The following RERE variants were observed in gnomAD, a reference collection of about 807,000 sequenced individuals.
The protein encoded by RERE is arginine-glutamic acid dipeptide repeats protein.
Under a neutral mutation model 146.1 loss-of-function variants are expected in RERE, and 40 were observed. The ratio of observed to expected loss-of-function variants is 0.27; its 90% CI spans 0.21 to 0.36. The LOEUF is 0.36. RERE is among the 10% of genes least tolerant of loss of function. The pLI, the probability that RERE is intolerant of heterozygous loss-of-function variation, is 1.00. For missense variants in RERE, 1,933 were observed against 2,138.7 expected, an observed-to-expected ratio of 0.90 and a Z score of 1.90; for synonymous variants, 1,003 against 866.0, an observed-to-expected ratio of 1.16 and a Z score of -2.78.
At chr1:8,550,540 G>A (rs777981019) in intron 6 of RERE, among the ~76,000 whole-genome samples, 2 of 151,970 alleles carry the variant, frequency 1.3e-5, no homozygotes, top group Non-Finnish European at 2.9e-5. Context: ...TGTTGTTGTT[G>A]TTGTTGTTGT....
In RERE at chr1:8,565,907, G is replaced by C. The variant is rs567135023; in HGVS notation, c.523-8384C>G. On this transcript the variant is annotated intron_variant, in intron 4 of 22. Transcript: ENST00000400908. The stretch of plus-strand genomic sequence containing the variant: ...CTCTGACATGGGGACCAGTGGGTAA[G>C]GGGAAAAACTGAAATACTGACTCCA... 4.3e-4 allele frequency among the ~76,000 whole-genome samples: 66 copies of C among 152,268 alleles called. 1 individual carries two copies. The highest frequency in any genetic ancestry group is 2.5e-3 in the Admixed American group (39 of 15,302).
At chr1:8,452,282 T>G (rs946561175) in intron 11 of RERE, among the ~76,000 whole-genome samples, 1 of 152,084 alleles carries the variant, frequency 6.6e-6, no homozygotes, top group Non-Finnish European at 1.5e-5. Flanking sequence ...AAAACAAATT[T>G]TCAATTGTGT....
At chr1:8,631,696 T>A (rs1293170472) in intron 2 of RERE, among the ~76,000 whole-genome samples, 1 of 152,194 alleles carries the variant, frequency 6.6e-6, no homozygotes, top group African/African-American at 2.4e-5. Context: ...TCAGCTGTGT[T>A]GGTTGAGTCC....
chr1:8,502,336 T>TG (rs1343376724), intron 8 of RERE, among the ~76,000 whole-genome samples: 36 of 95,016 alleles, frequency 3.8e-4, no homozygotes, highest in Admixed American at 7.7e-4. Context: ...GGGAGGGTGG[T>TG]GGGGGGGTCA....
intron 10 of RERE, among the ~76,000 whole-genome samples, chr1:8,484,634 G>C (rs1012764982): frequency 6.6e-6 from 1 of 152,042 alleles, no homozygotes; most frequent in Non-Finnish European, 1.5e-5. Context: ...TGTTAGCCAG[G>C]CTGGTATGGA....
intron 4 of RERE, among the ~76,000 whole-genome samples, chr1:8,558,526 T>A (rs1298433589): frequency 6.6e-6 from 1 of 152,210 alleles, no homozygotes; most frequent in Non-Finnish European, 1.5e-5. Flanking sequence ...CAGTAATGAA[T>A]GAGAGCTAAA....
intron 1 of RERE, among the ~76,000 whole-genome samples, chr1:8,664,360 C>A (rs1216857126): frequency 6.6e-6 from 1 of 152,142 alleles, no homozygotes; most frequent in Non-Finnish European, 1.5e-5. Flanking sequence ...CCTCTTTTCT[C>A]ATCCTCTACT....
At chr1:8,579,895 A>G (rs1354451442) in intron 4 of RERE, among the ~76,000 whole-genome samples, 1 of 152,104 alleles carries the variant, frequency 6.6e-6, no homozygotes, top group Non-Finnish European at 1.5e-5. Flanking sequence ...TCCCAGCTAC[A>G]TGGGAGGCTG....
intron 1 of RERE, among the ~76,000 whole-genome samples, chr1:8,737,459 G>C (rs188763847): frequency 2.0e-5 from 3 of 152,268 alleles, no homozygotes; most frequent in Admixed American, 2.0e-4. Context: ...TGAGAGAAGA[G>C]TCATACAATT....
intron 12 of RERE, among the ~76,000 whole-genome samples, chr1:8,370,416 A>G (rs1641992577): frequency 6.6e-6 from 1 of 152,332 alleles, no homozygotes; most frequent in East Asian, 1.9e-4. Context: ...GGTGTCACTG[A>G]CACAAATGTA....
At chr1:8,657,052 C>T (rs557820883) in intron 1 of RERE, among the ~76,000 whole-genome samples, 232 of 152,242 alleles carry the variant, frequency 1.5e-3, no homozygotes, top group African/African-American at 5.3e-3. Flanking sequence ...CCTGTAATCC[C>T]AGCGCTTTGG....
At chr1:8,664,362 T>A (rs1403677881) in intron 1 of RERE, among the ~76,000 whole-genome samples, 16 of 152,066 alleles carry the variant, frequency 1.1e-4, no homozygotes, top group Admixed American at 1.0e-3. Context: ...TCTTTTCTCA[T>A]CCTCTACTTT....
chr1:8,611,494 ACT>A (rs1646792786), intron 4 of RERE, among the ~76,000 whole-genome samples: 2 of 152,156 alleles, frequency 1.3e-5, no homozygotes, highest in African/African-American at 4.8e-5. Flanking sequence ...ACAGGGTGAG[ACT>A]CTGTCTCAAA....
At chr1:8,506,612 T>G (rs1414076304) in intron 8 of RERE, among the ~76,000 whole-genome samples, 1 of 152,228 alleles carries the variant, frequency 6.6e-6, no homozygotes, top group Non-Finnish European at 1.5e-5. Flanking sequence ...TAGCTGTGGA[T>G]TCCCCAGCAT....
At chr1:8,597,308 C>T (rs1463557738) in intron 4 of RERE, among the ~76,000 whole-genome samples, 6 of 151,964 alleles carry the variant, frequency 3.9e-5, no homozygotes, top group African/African-American at 7.3e-5. Context: ...AGGCTGGTCT[C>T]GAACTCCTGA....
At chr1:8,595,159 A>C (rs1487207936) in intron 4 of RERE, among the ~76,000 whole-genome samples, 1 of 134,116 alleles carries the variant, frequency 7.5e-6, no homozygotes, top group Non-Finnish European at 1.6e-5. Context: ...GACCGTGTCC[A>C]AAAAAAAAAA....
intron 6 of RERE, among the ~76,000 whole-genome samples, chr1:8,555,587 T>C (rs981218351): frequency 1.3e-5 from 2 of 152,222 alleles, no homozygotes; most frequent in African/African-American, 4.8e-5. Context: ...TAGTATTTTG[T>C]TAAAACCATA....
intron 12 of RERE, among the ~76,000 whole-genome samples, chr1:8,403,291 T>C (rs1042700166): frequency 1.3e-5 from 2 of 152,188 alleles, no homozygotes; most frequent in African/African-American, 4.8e-5. Context: ...AAATTTCCTA[T>C]CATAAAACTT....
At chr1:8,447,458 G>A (rs184839190) in intron 11 of RERE, among the ~76,000 whole-genome samples, 6 of 152,220 alleles carry the variant, frequency 3.9e-5, no homozygotes, top group African/African-American at 1.4e-4. Flanking sequence ...TTTGATGTTG[G>A]TGACCTTCAG....
Sources: allele counts gnomAD v4.1 joint callset (sites outside exome capture counted in the v4.1 genomes callset), GRCh38; gene constraint gnomAD v4.1.1; transcripts MANE v1.5; gene names NCBI Gene and HGNC (gene_info 2026-07-23, HGNC 2026-07-21).